Variants in XRCC4 observed in about 807,000 individuals in gnomAD.
The protein encoded by XRCC4 is DNA repair protein XRCC4.
In XRCC4, 28 loss-of-function variants were observed where a neutral mutation model predicts 39.1. The ratio of observed to expected loss-of-function variants is 0.72; its 90% CI spans 0.53 to 0.98. The LOEUF is 0.98. Among genes scored for constraint, XRCC4 ranks in the 50% least tolerant of loss-of-function variants. The probability of loss-of-function intolerance (pLI) is 0.00; values close to 1 mark genes in which losing one functional copy is unlikely to be tolerated. For synonymous variants in XRCC4, 123 were observed against 126.4 expected (o/e 0.97, Z 0.18); for missense variants, 350 against 376.4 (o/e 0.93, Z 0.58).
At chr5:83,190,164 C>G (rs904267444) in intron 3 of XRCC4, among the ~76,000 whole-genome samples, 1 of 152,030 alleles carries the variant, frequency 6.6e-6, no homozygotes, top group Non-Finnish European at 1.5e-5. Context: ...AAAACTACAA[C>G]CAAAAGTTGA....
chr5:83,095,651 G>A (rs543930858), intron 1 of XRCC4, among the ~76,000 whole-genome samples: 1 of 152,132 alleles, frequency 6.6e-6, no homozygotes, highest in Non-Finnish European at 1.5e-5. Flanking sequence ...AGAGGCTGTA[G>A]CTAAGCAGAG....
chr5:83,221,417 G>A (rs1580387940), intron 6 of XRCC4, among the ~76,000 whole-genome samples: 1 of 152,086 alleles, frequency 6.6e-6, no homozygotes, highest in African/African-American at 2.4e-5. Context: ...AACCCAAGCA[G>A]TCTGATTACA....
intron 7 of XRCC4, among the ~76,000 whole-genome samples, chr5:83,325,962 C>G (rs545746057): frequency 2.0e-5 from 3 of 152,134 alleles, no homozygotes; most frequent in African/African-American, 7.2e-5. Flanking sequence ...GCATCCTCAC[C>G]AGCATCTGTT....
chr5:83,277,425 A>G (rs1442853928), intron 7 of XRCC4, among the ~76,000 whole-genome samples: 1 of 152,250 alleles, frequency 6.6e-6, no homozygotes, highest in Non-Finnish European at 1.5e-5. Flanking sequence ...GAATAAGGAG[A>G]TAGCACGGAG....
At chr5:83,141,373 G>A (rs1469024282) in intron 3 of XRCC4, among the ~76,000 whole-genome samples, 2 of 152,158 alleles carry the variant, frequency 1.3e-5, no homozygotes, top group Non-Finnish European at 2.9e-5. Flanking sequence ...TTTCTTAGAT[G>A]TTGCCAAATT....
At chr5:83,307,976 A>T (rs989785463) in intron 7 of XRCC4, among the ~76,000 whole-genome samples, 1 of 152,198 alleles carries the variant, frequency 6.6e-6, no homozygotes, top group Non-Finnish European at 1.5e-5. Flanking sequence ...GAAGCACACA[A>T]TATACTCTGT....
intron 7 of XRCC4, among the ~76,000 whole-genome samples, chr5:83,341,911 G>A (rs2112203321): frequency 6.6e-6 from 1 of 152,256 alleles, no homozygotes; most frequent in Middle Eastern, 3.4e-3. Context: ...GTCAAATAAA[G>A]CAGAGTCCCC....
intron 7 of XRCC4, among the ~76,000 whole-genome samples, chr5:83,332,040 G>C (rs1349238197): frequency 6.6e-6 from 1 of 152,028 alleles, no homozygotes; most frequent in African/African-American, 2.4e-5. Context: ...AACACCCTGG[G>C]TTATTTTACA....
intron 7 of XRCC4, among the ~76,000 whole-genome samples, chr5:83,296,704 G>T (rs887898956): frequency 1.3e-5 from 2 of 151,842 alleles, no homozygotes; most frequent in South Asian, 4.2e-4. Flanking sequence ...TAAAAATTTG[G>T]CCCTCTGGAA....
chr5:83,308,720 T>TA (rs1490125329), intron 7 of XRCC4, among the ~76,000 whole-genome samples: 1 of 152,186 alleles, frequency 6.6e-6, no homozygotes, highest in East Asian at 1.9e-4. Context: ...TAATTCTAGT[T>TA]ATATTTTTAA....
intron 6 of XRCC4, among the ~76,000 whole-genome samples, chr5:83,209,306 T>C (rs1395265655): frequency 1.3e-5 from 2 of 152,116 alleles, no homozygotes; most frequent in East Asian, 1.9e-4. Context: ...CACCATTATG[T>C]ATAGCATTAG....
Position 83,203,579 on chromosome 5 carries a change from A to G in XRCC4, c.510A>G (p.Glu170=). 1 of 1,595,754 alleles carries G rather than the reference A, an allele frequency of 6.3e-7. No individual in the cohort carries two copies. The highest frequency in any genetic ancestry group is 2.2e-5 in the East Asian group (1 of 44,522). ...TTGAAAAATGTGTGAGTGCTAAGGA[A>G]GCTTTGGAGACTGATCTTTATAAGC... ...GRFEKCVSAK[E]ALETDLYKRF... is the part of the protein sequence containing the mutation. The change falls in exon 5 of 8, where the codon GAA becomes GAG. Residue 170 remains glutamate (E), a synonymous_variant. Coordinates refer to ENST00000396027, the MANE Select transcript of XRCC4 (RefSeq NM_003401.5).
At chr5:83,191,978 G>A (rs1750716477) in intron 3 of XRCC4, among the ~76,000 whole-genome samples, 1 of 152,006 alleles carries the variant, frequency 6.6e-6, no homozygotes, top group Admixed American at 6.6e-5. Context: ...TTTAATCTTG[G>A]ACTTGAAGGG....
chr5:83,214,180 A>T (rs1751757955), intron 6 of XRCC4, among the ~76,000 whole-genome samples: 1 of 152,186 alleles, frequency 6.6e-6, no homozygotes, highest in Non-Finnish European at 1.5e-5. Flanking sequence ...ACTTCTATTC[A>T]GTGTTGCACT....
the XRCC4 span, among the ~76,000 whole-genome samples, chr5:83,359,163 CCAGGG>C: frequency 6.6e-6 from 1 of 152,076 alleles, no homozygotes; most frequent in Non-Finnish European, 1.5e-5. Context: ...CAGAGAAGCC[CCAGGG>C]CAGGAAACAA....
rs372241902 is a variant in XRCC4 at position 83,105,104 on chromosome 5, A to G, written c.139+46A>G. On this transcript the variant is annotated intron_variant, in intron 2 of 7. Transcript: ENST00000396027. ...TTTATAAGTAAAATTTAAGTGTGCT[A>G]TTCTTCAGTCCTCAGGGATACTTTT... 91 of 1,563,890 alleles carry G rather than the reference A, an allele frequency of 5.8e-5. No individual in the cohort carries two copies. The African/African-American group carries it at 1.0e-3, about 18-fold the overall frequency.
intron 3 of XRCC4, among the ~76,000 whole-genome samples, chr5:83,154,655 T>C (rs1748872381): frequency 1.3e-5 from 2 of 152,214 alleles, no homozygotes; most frequent in Non-Finnish European, 1.5e-5. Flanking sequence ...TCTTTAGTTA[T>C]ATTATGGCCC....
chr5:83,222,056 A>G (rs1178172117), intron 6 of XRCC4, among the ~76,000 whole-genome samples: 3 of 151,460 alleles, frequency 2.0e-5, no homozygotes, highest in Non-Finnish European at 4.4e-5. Flanking sequence ...TATTCTTTCA[A>G]TCTTTTATAT....
intron 7 of XRCC4, among the ~76,000 whole-genome samples, chr5:83,271,304 C>T (rs1754138131): frequency 6.6e-6 from 1 of 152,058 alleles, no homozygotes; most frequent in African/African-American, 2.4e-5. Context: ...TTATTATGTA[C>T]TCTAAGAATC....
Sources: gnomAD v4.1 joint callset for allele counts (sites outside exome capture counted in the v4.1 genomes callset) on GRCh38, gnomAD v4.1.1 for gene constraint, MANE v1.5 for transcripts, NCBI Gene and HGNC (gene_info 2026-07-23, HGNC 2026-07-21) for gene names.